MEMO1: variants seen among roughly 807,000 people sequenced by gnomAD.
The protein encoded by MEMO1 is mediator of cell motility 1, also known as protein MEMO1.
Under a neutral mutation model 45.2 loss-of-function variants are expected in MEMO1, and 6 were observed. The ratio of observed to expected loss-of-function variants is 0.13; its 90% CI spans 0.07 to 0.26. The LOEUF (loss-of-function observed/expected upper bound fraction) is 0.26. Among genes scored for constraint, MEMO1 ranks in the 10% least tolerant of loss-of-function variants. The pLI is 1.00. For synonymous variants in MEMO1, 78 were observed against 124.3 expected (o/e 0.63, Z 2.48); for missense variants, 184 against 370.5 (o/e 0.50, Z 4.13).
intron 6 of MEMO1, among the ~76,000 whole-genome samples, chr2:31,909,489 G>C (rs558588779): frequency 2.9e-4 from 44 of 152,052 alleles, no homozygotes; most frequent in Admixed American, 1.6e-3. Context: ...AAGAAATCAA[G>C]AAAGCAATCC....
chr2:31,920,981 A>G, intron 4 of MEMO1, 71 bp from the exon 5 acceptor site: 1 of 1,035,998 alleles, frequency 9.7e-7, no homozygotes, highest in South Asian at 1.4e-5. Context: ...TAAAAGAGAA[A>G]AAAGTAATTC....
intron 2 of MEMO1, among the ~76,000 whole-genome samples, chr2:31,956,022 G>A (rs1159039280): frequency 6.6e-6 from 1 of 152,222 alleles, no homozygotes; most frequent in Non-Finnish European, 1.5e-5. Flanking sequence ...GTACTCTAGT[G>A]AGGGAAATAT....
At chr2:31,880,543 A>G (rs1388889923) in intron 8 of MEMO1, among the ~76,000 whole-genome samples, 1 of 152,328 alleles carries the variant, frequency 6.6e-6, no homozygotes, top group Middle Eastern at 3.4e-3. Context: ...ACTTTAAACC[A>G]AATAATCTTG....
chr2:31,993,376 G>A (rs1230878671), intron 2 of MEMO1, among the ~76,000 whole-genome samples: 2 of 152,198 alleles, frequency 1.3e-5, no homozygotes, highest in Non-Finnish European at 2.9e-5. Context: ...TAGACTACAT[G>A]GGCAACAGGA....
At chr2:31,943,447 G>T in intron 2 of MEMO1, 64 bp from the exon 3 acceptor site, 2 of 1,178,242 alleles carry the variant, frequency 1.7e-6, no homozygotes, top group Non-Finnish European at 2.5e-6. Flanking sequence ...AACATATGTG[G>T]CATAAAGCCC....
chr2:31,933,351 T>TATA (rs869274123), intron 3 of MEMO1, among the ~76,000 whole-genome samples: 3 of 45,090 alleles, frequency 6.7e-5, no homozygotes, highest in African/African-American at 2.6e-4. Flanking sequence ...AAAAAAAAAT[T>TATA]TATATATATA....
rs34487390 is a variant in MEMO1, at chr2:31,933,317, T to TAA, written c.144-1184_144-1183dup. The stretch of plus-strand genomic sequence containing the variant: ...ATGACAGAGCGAGATACCACCTCTT[T>TAA]AAAAAAAAAAAAAAAAAAAAAAAAA... On this transcript the variant is annotated intron_variant, in intron 3 of 9. Coordinates refer to ENST00000404530, the MANE Select transcript of MEMO1 (RefSeq NM_001301833.4). Among the ~76,000 whole-genome samples the TAA allele has an allele frequency of 1.1e-3, 26 of 24,108 alleles. 1 individual carries two copies. Among genetic ancestry groups the TAA allele is most frequent in the South Asian group, 2.3e-3 (1 of 430 alleles). The allele number at this position is 24,108 out of a possible 152,430, so 15.8% of individuals were successfully genotyped here. A position where few individuals can be genotyped will look rare whatever the true frequency, so the allele number is the denominator to read the frequency against.
At chr2:31,955,913 C>T (rs1056062584) in intron 2 of MEMO1, among the ~76,000 whole-genome samples, 1 of 152,134 alleles carries the variant, frequency 6.6e-6, no homozygotes, top group Non-Finnish European at 1.5e-5. Context: ...CGGCCATCCA[C>T]GTTTATTTCA....
At chr2:31,946,192 G>A (rs1017500463) in intron 2 of MEMO1, among the ~76,000 whole-genome samples, 1 of 152,084 alleles carries the variant, frequency 6.6e-6, no homozygotes, top group African/African-American at 2.4e-5. Context: ...CCCAATATTT[G>A]ATATTGTCAG....
At chr2:31,920,467 C>T (rs1037418577) in intron 5 of MEMO1, among the ~76,000 whole-genome samples, 14 of 152,164 alleles carry the variant, frequency 9.2e-5, no homozygotes, top group East Asian at 3.9e-4. Flanking sequence ...TAAATTAACA[C>T]GCCCAGAATC....
chr2:31,897,544 GC>G (rs1393929190), intron 6 of MEMO1, among the ~76,000 whole-genome samples: 1 of 152,202 alleles, frequency 6.6e-6, no homozygotes. Flanking sequence ...TGTTGAACCA[GC>G]CTTGCATTCC....
At chr2:31,994,359 G>C (rs1228450659) in intron 2 of MEMO1, among the ~76,000 whole-genome samples, 1 of 151,828 alleles carries the variant, frequency 6.6e-6, no homozygotes, top group African/African-American at 2.4e-5. Flanking sequence ...GTCGGGCGTG[G>C]TGGCTCACAC....
chr2:31,916,938 G>A (rs1177449968), intron 6 of MEMO1, among the ~76,000 whole-genome samples: 3 of 151,798 alleles, frequency 2.0e-5, no homozygotes, highest in Non-Finnish European at 4.4e-5. Flanking sequence ...ACATATTTAG[G>A]GTAAAAAAGA....
At position 31,966,749 on chromosome 2, in the gene MEMO1, A is replaced by G. The variant is rs1488143944; in HGVS notation, c.62-23366T>C. On this transcript the variant is annotated intron_variant, in intron 2 of 9. Coordinates refer to ENST00000404530, the MANE Select transcript of MEMO1 (RefSeq NM_001301833.4). ...CTCTGTCTCAAAAAAAAAAAATGAA[A>G]AAAATAAAAAGGGAGATAAAATAAA... Among the ~76,000 whole-genome samples, 10 of 151,906 alleles carry G rather than the reference A, an allele frequency of 6.6e-5. 1 individual carries two copies. The South Asian group carries it at 1.9e-3, about 28-fold the overall frequency.
chr2:31,870,014 T>A (rs1673460563), intron 8 of MEMO1, 62 bp from the exon 9 acceptor site: 6 of 1,233,104 alleles, frequency 4.9e-6, no homozygotes, highest in Non-Finnish European at 5.4e-6. Flanking sequence ...ATTTATTATT[T>A]CCTAATTATA....
intron 8 of MEMO1, among the ~76,000 whole-genome samples, chr2:31,876,292 T>C (rs138925984): frequency 6.6e-6 from 1 of 152,326 alleles, no homozygotes; most frequent in East Asian, 1.9e-4. Context: ...CCCGCTGATC[T>C]TTACTTGATT....
chr2:31,996,234 G>C (rs1376241260), intron 2 of MEMO1, among the ~76,000 whole-genome samples: 2 of 150,820 alleles, frequency 1.3e-5, no homozygotes, highest in Admixed American at 6.7e-5. Context: ...GAGAGAGAGA[G>C]AAAGAAACAA....
intron 4 of MEMO1, among the ~76,000 whole-genome samples, chr2:31,921,353 C>G (rs1464993483): frequency 1.3e-5 from 2 of 152,186 alleles, no homozygotes; most frequent in Admixed American, 6.5e-5. Flanking sequence ...TTTGTTATGA[C>G]AGCCCTAGCA....
intron 2 of MEMO1, among the ~76,000 whole-genome samples, chr2:32,000,360 A>C (rs528298896): frequency 9.6e-4 from 146 of 151,912 alleles, no homozygotes; most frequent in Non-Finnish European, 1.8e-3. Context: ...CCTCCCAAGT[A>C]GCTGGGACTA....
Sources: allele counts gnomAD v4.1 joint callset (sites outside exome capture counted in the v4.1 genomes callset), GRCh38; gene constraint gnomAD v4.1.1; transcripts MANE v1.5; gene names NCBI Gene and HGNC (gene_info 2026-07-23, HGNC 2026-07-21).